SETBP1: variants seen among roughly 807,000 people sequenced by gnomAD.
SETBP1 encodes the protein SET-binding protein.
A neutral mutation model predicts 101.0 loss-of-function variants in SETBP1; 9 were observed. The observed-to-expected ratio is 0.09, with a 90% CI of 0.05 to 0.16. The LOEUF is 0.16. SETBP1 is among the 10% of genes least tolerant of loss of function. The pLI is 1.00. For missense variants in SETBP1, 1,858 were observed against 2,033.8 expected, an observed-to-expected ratio of 0.91 and a Z score of 1.66; for synonymous variants, 818 against 788.5, an observed-to-expected ratio of 1.04 and a Z score of -0.63.
chr18:44,952,304 T>A lies in SETBP1; in HGVS notation c.2964T>A (p.Ile988=). ...HENPYPSIFR[I]NFDHYYPVPY... is the part of the protein sequence containing the mutation. ...ATCCATATCCCAGCATTTTTCGGAT[T>A]AATTTTGATCACTATTACCCGGTGC... The change falls in exon 4 of 6, where the codon ATT becomes ATA. Residue 988 remains isoleucine (I), a synonymous_variant. Coordinates refer to ENST00000649279, the MANE Select transcript of SETBP1 (RefSeq NM_015559.3). 1.9e-6 allele frequency: 3 copies of A among 1,614,140 alleles called. No homozygotes were observed. Among genetic ancestry groups the A allele is most frequent in the Non-Finnish European group, 2.5e-6 (3 of 1,180,034 alleles).
chr18:44,943,036 G>A (rs1167992436), intron 3 of SETBP1, among the ~76,000 whole-genome samples: 4 of 152,184 alleles, frequency 2.6e-5, no homozygotes, highest in Non-Finnish European at 5.9e-5. Flanking sequence ...TGGAATCAAA[G>A]AATCATAAGA....
At chr18:45,049,023 G>A (rs916680042) in intron 5 of SETBP1, among the ~76,000 whole-genome samples, 2 of 142,990 alleles carry the variant, frequency 1.4e-5, no homozygotes, top group African/African-American at 5.1e-5. Flanking sequence ...ATTAGCCCCT[G>A]CCCCAGAGGA....
At chr18:44,911,837 G>A (rs2070316875) in intron 3 of SETBP1, among the ~76,000 whole-genome samples, 2 of 152,116 alleles carry the variant, frequency 1.3e-5, no homozygotes, top group Non-Finnish European at 2.9e-5. Context: ...GACAAACATT[G>A]TGGAGGAGGC....
chr18:44,966,438 C>A (rs2071722478), intron 4 of SETBP1, among the ~76,000 whole-genome samples: 2 of 152,230 alleles, frequency 1.3e-5, no homozygotes, highest in Non-Finnish European at 2.9e-5. Context: ...CCCATTCTGG[C>A]ATCCCCTGCT....
rs56695366 is a variant in SETBP1, at chr18:44,727,186, C to CTGTGTGTGTGTGTGTGTGTG, written c.486+25368_486+25387dup. Among the ~76,000 whole-genome samples, 37 of 145,300 alleles carry CTGTGTGTGTGTGTGTGTGTG rather than the reference C, an allele frequency of 2.5e-4. 1 individual carries two copies. Among genetic ancestry groups the CTGTGTGTGTGTGTGTGTGTG allele is most frequent in the East Asian group, 8.0e-4 (4 of 4,972 alleles). ...TGCATTTGACTGAAATATTTGATCA[C>CTGTGTGTGTGTGTGTGTGTG]TGTGTGTGTGTGTGTGTGTGTGTGT... On this transcript the variant is annotated intron_variant, in intron 2 of 5. Transcript: ENST00000649279.
At chr18:44,913,483 A>C (rs1225764452) in intron 3 of SETBP1, among the ~76,000 whole-genome samples, 1 of 152,236 alleles carries the variant, frequency 6.6e-6, no homozygotes, top group Non-Finnish European at 1.5e-5. Flanking sequence ...TAGAGGGTGC[A>C]GGGCCAGCTT....
intron 2 of SETBP1, among the ~76,000 whole-genome samples, chr18:44,789,549 G>A (rs193129159): frequency 9.9e-5 from 15 of 152,124 alleles, no homozygotes; most frequent in African/African-American, 3.6e-4. Flanking sequence ...TTATTTCCAG[G>A]CTGTGTCCAT....
At chr18:44,717,036 T>G (rs979750522) in intron 2 of SETBP1, among the ~76,000 whole-genome samples, 28 of 152,188 alleles carry the variant, frequency 1.8e-4, no homozygotes, top group African/African-American at 6.3e-4. Context: ...CAATGTGATG[T>G]TACTATCCCC....
Position 44,925,224 on chromosome 18 carries a change from T to TC in SETBP1, c.541-24656dup, listed in dbSNP as rs533411591. On this transcript the variant is annotated intron_variant, in intron 3 of 5. Transcript: ENST00000649279. The stretch of plus-strand genomic sequence containing the variant: ...ATCTCCAAAAATGTATGTTTTTTTT[T>TC]CACCCTGAAAATTCACACATAATAA... Among the ~76,000 whole-genome samples, 3 of 152,072 alleles carry TC rather than the reference T, an allele frequency of 2.0e-5. No homozygotes were observed. The South Asian group carries it at 6.3e-4, about 32-fold the overall frequency.
intron 4 of SETBP1, among the ~76,000 whole-genome samples, chr18:44,990,944 A>C (rs987173540): frequency 6.6e-6 from 1 of 151,052 alleles, no homozygotes; most frequent in Non-Finnish European, 1.5e-5. Context: ...AAAAAAAAAA[A>C]AAAGAAACCA....
intron 4 of SETBP1, among the ~76,000 whole-genome samples, chr18:44,966,630 C>T (rs1342134717): frequency 6.6e-6 from 1 of 152,142 alleles, no homozygotes; most frequent in Non-Finnish European, 1.5e-5. Context: ...TGGTGCTGAG[C>T]ACAGATATTA....
intron 4 of SETBP1, among the ~76,000 whole-genome samples, chr18:44,955,701 A>G (rs1474256757): frequency 4.6e-5 from 7 of 152,132 alleles, no homozygotes; most frequent in Admixed American, 1.3e-4. Context: ...CTGAACCTTG[A>G]CTGCCTGCCT....
rs1599467070 is a variant in SETBP1, at chr18:45,028,344, C to T, written c.4001-10141C>T. ...GGCCCTACAAAGGACATGAACTCAT[C>T]ATTTTTTATGGCTGCATAGTATTCC... On this transcript the variant is annotated intron_variant, in intron 4 of 5. Coordinates refer to ENST00000649279, the MANE Select transcript of SETBP1 (RefSeq NM_015559.3). 3.3e-5 allele frequency among the ~76,000 whole-genome samples: 5 copies of T among 152,118 alleles called. No homozygotes were observed. In the South Asian group the frequency reaches 1.0e-3, roughly 32 times the overall value.
At chr18:44,972,356 C>A (rs771162705) in intron 4 of SETBP1, among the ~76,000 whole-genome samples, 1 of 152,044 alleles carries the variant, frequency 6.6e-6, no homozygotes, top group African/African-American at 2.4e-5. Context: ...CTTGGCGATG[C>A]GGGCTCTTTT....
chr18:44,923,500 C>T (rs2144945357), intron 3 of SETBP1, among the ~76,000 whole-genome samples: 1 of 152,254 alleles, frequency 6.6e-6, no homozygotes, highest in South Asian at 2.1e-4. Context: ...AGCATTTGGC[C>T]ATTTACTTGG....
At chr18:44,925,500 T>G (rs946324992) in intron 3 of SETBP1, among the ~76,000 whole-genome samples, 8 of 152,340 alleles carry the variant, frequency 5.3e-5, no homozygotes, top group African/African-American at 1.4e-4. Context: ...TGGGGAGGGC[T>G]GTTGTTTTTG....
intron 4 of SETBP1, among the ~76,000 whole-genome samples, chr18:44,981,804 G>GA (rs1331786620): frequency 6.6e-6 from 1 of 152,074 alleles, no homozygotes; most frequent in Non-Finnish European, 1.5e-5. Context: ...AACCAGATTT[G>GA]ATTTTTTTTA....
intron 3 of SETBP1, among the ~76,000 whole-genome samples, chr18:44,937,606 C>T (rs1379142785): frequency 6.6e-6 from 1 of 152,168 alleles, no homozygotes; most frequent in Non-Finnish European, 1.5e-5. Context: ...CACCACACTG[C>T]AGCCTTTCAG....
intron 5 of SETBP1, among the ~76,000 whole-genome samples, chr18:45,049,338 TACCC>T (rs1411014985): frequency 9.6e-4 from 146 of 152,084 alleles, no homozygotes; most frequent in Non-Finnish European, 1.6e-3. Flanking sequence ...GAAGATGGAG[TACCC>T]AAAAGTCTAG....
Sources: gnomAD v4.1 joint callset for allele counts (sites outside exome capture counted in the v4.1 genomes callset) on GRCh38, gnomAD v4.1.1 for gene constraint, MANE v1.5 for transcripts, NCBI Gene and HGNC (gene_info 2026-07-23, HGNC 2026-07-21) for gene names.